Variants in USO1 observed in about 807,000 individuals in gnomAD.
The protein encoded by USO1 is general vesicular transport factor p115.
In USO1, 57 loss-of-function variants were observed where a neutral mutation model predicts 124.5. The observed-to-expected ratio is 0.46, with a 90% confidence interval of 0.37 to 0.57. The LOEUF is 0.57. USO1 is among the 20% of genes least tolerant of loss of function. The probability of loss-of-function intolerance (pLI) is 0.00; values close to 1 mark genes in which losing one functional copy is unlikely to be tolerated. For synonymous variants in USO1, 369 were observed against 362.8 expected (o/e 1.02, Z -0.19); for missense variants, 900 against 1,040.6 (o/e 0.86, Z 1.86).
intron 5 of USO1, 121 bp from the exon 6 acceptor site, chr4:75,770,698 ACTT>A: frequency 1.0e-5 from 8 of 786,586 alleles, no homozygotes; most frequent in Non-Finnish European, 1.3e-5. Context: ...CTATGTAATC[ACTT>A]AAAGTATGCT....
intron 8 of USO1, among the ~76,000 whole-genome samples, chr4:75,778,970 A>G (rs1270149279): frequency 2.0e-5 from 3 of 152,164 alleles, no homozygotes; most frequent in African/African-American, 7.2e-5. Flanking sequence ...GACTCCATTT[A>G]TCCAACAGCA....
At chr4:75,793,208 T>C (rs1481187109) in intron 12 of USO1, among the ~76,000 whole-genome samples, 2 of 25,316 alleles carry the variant, frequency 7.9e-5, no homozygotes, top group Admixed American at 7.2e-4. Context: ...CTCTCTCCTT[T>C]TTTTTTTTTT....
intron 17 of USO1, 79 bp from the exon 18 acceptor site, chr4:75,804,055 C>CG (rs1722925325): frequency 6.6e-7 from 1 of 1,506,842 alleles, no homozygotes; most frequent in South Asian, 1.4e-5. Flanking sequence ...AAAATGACCT[C>CG]TAATTTTTAA....
chr4:75,799,015 C>A (rs1722767519), intron 13 of USO1, among the ~76,000 whole-genome samples: 1 of 152,010 alleles, frequency 6.6e-6, no homozygotes, highest in African/African-American at 2.4e-5. Flanking sequence ...GGTTTGGGGG[C>A]ACTTGGCTAA....
intron 3 of USO1, among the ~76,000 whole-genome samples, chr4:75,757,025 G>T (rs1721466582): frequency 6.6e-6 from 1 of 151,602 alleles, no homozygotes; most frequent in African/African-American, 2.4e-5. Flanking sequence ...AGTTTTGCTG[G>T]TTTTAAAGTT....
intron 19 of USO1, 50 bp from the exon 20 acceptor site, chr4:75,806,436 A>G: frequency 2.6e-6 from 4 of 1,540,588 alleles, no homozygotes; most frequent in Non-Finnish European, 3.5e-6. Context: ...TTTTTTTCTC[A>G]TCTCTTTAGA....
chr4:75,747,994 G>T (rs1185077999), intron 1 of USO1, among the ~76,000 whole-genome samples: 2 of 130,816 alleles, frequency 1.5e-5, no homozygotes, highest in Admixed American at 8.9e-5. Flanking sequence ...CGCAACCTCC[G>T]CCTCCTGGGT....
chr4:75,803,947 T>C (rs1196564836), intron 17 of USO1, among the ~76,000 whole-genome samples, 187 bp from the exon 18 acceptor site: 1 of 152,198 alleles, frequency 6.6e-6, no homozygotes, highest in Non-Finnish European at 1.5e-5. Flanking sequence ...CTTGTAGTTC[T>C]GCTGCATGTT....
At chr4:75,776,960 C>T (rs571440599) in intron 8 of USO1, among the ~76,000 whole-genome samples, 63 of 152,216 alleles carry the variant, frequency 4.1e-4, no homozygotes, top group Non-Finnish European at 2.4e-4. Flanking sequence ...GAACTACTAC[C>T]TTGAATATGG....
intron 7 of USO1, among the ~76,000 whole-genome samples, chr4:75,773,562 T>A: frequency 6.6e-6 from 1 of 152,246 alleles, no homozygotes; most frequent in East Asian, 1.9e-4. Context: ...GGGGAACAGT[T>A]TTTGGGGAAC....
At chr4:75,753,416 C>G (rs1172000436) in intron 3 of USO1, among the ~76,000 whole-genome samples, 1 of 152,000 alleles carries the variant, frequency 6.6e-6, no homozygotes, top group Admixed American at 6.6e-5. Context: ...TGCCTGTAAT[C>G]CCAGCTACTT....
At chr4:75,788,425 C>A (rs962654534) in intron 10 of USO1, among the ~76,000 whole-genome samples, 5 of 151,906 alleles carry the variant, frequency 3.3e-5, no homozygotes, top group Non-Finnish European at 7.4e-5. Flanking sequence ...ATCTTGGCCT[C>A]CCGAAATGTT....
intron 1 of USO1, chr4:75,745,434 T>C (rs1019452205): frequency 2.2e-5 from 11 of 496,544 alleles, no homozygotes; most frequent in South Asian, 1.5e-4. Context: ...GCAGTCCCTG[T>C]AGTTCGCAAC....
chr4:75,780,051 A>G (rs1424102635), intron 8 of USO1, among the ~76,000 whole-genome samples: 1 of 152,270 alleles, frequency 6.6e-6, no homozygotes, highest in East Asian at 1.9e-4. Context: ...TCTGCCCTCT[A>G]TAAATGGACA....
At chr4:75,748,711 C>T (rs544653564) in intron 1 of USO1, among the ~76,000 whole-genome samples, 1 of 152,036 alleles carries the variant, frequency 6.6e-6, no homozygotes, top group Non-Finnish European at 1.5e-5. Flanking sequence ...AGATCTAGAA[C>T]CAGTACTTGA....
chr4:75,789,422 C>T (rs1470604399), intron 10 of USO1, among the ~76,000 whole-genome samples: 1 of 152,126 alleles, frequency 6.6e-6, no homozygotes, highest in African/African-American at 2.4e-5. Flanking sequence ...GGATTATAGG[C>T]ACACCACCTT....
intron 4 of USO1, among the ~76,000 whole-genome samples, chr4:75,759,383 C>T (rs1277526172): frequency 6.7e-6 from 1 of 150,242 alleles, no homozygotes; most frequent in Non-Finnish European, 1.5e-5. Context: ...CACTTGAGGT[C>T]AGGAGTTCGA....
At position 75,770,130 on chromosome 4, in the gene USO1, C is replaced by A. The variant is rs201655149; in HGVS notation, c.296-309C>A. 1.7e-4 allele frequency: 30 copies of A among 176,612 alleles called. No individual in the cohort carries two copies. In the East Asian group the frequency reaches 3.9e-3, roughly 23 times the overall value. The allele number at this position is 176,612 out of a possible 1,614,324, so 10.9% of individuals were successfully genotyped here. On this transcript the variant is annotated intron_variant, in intron 4 of 23. Transcript: ENST00000514213. ...ACATTCTAGATAGACTATTTCTATC[C>A]CAAATTGTTTCCTTATGCCCTAATA...
intron 21 of USO1, among the ~76,000 whole-genome samples, chr4:75,809,765 G>A (rs1022884436): frequency 1.3e-4 from 20 of 152,002 alleles, no homozygotes; most frequent in South Asian, 1.0e-3. Context: ...TTCCAACTCC[G>A]CTCTTTTCTT....
Sources: gnomAD v4.1 joint callset for allele counts (sites outside exome capture counted in the v4.1 genomes callset) on GRCh38, gnomAD v4.1.1 for gene constraint, MANE v1.5 for transcripts, NCBI Gene and HGNC (gene_info 2026-07-23, HGNC 2026-07-21) for gene names.